TEX9: variants seen among roughly 807,000 people sequenced by gnomAD.
TEX9 encodes the protein testis-expressed protein 9.
TEX9 carries 74 observed loss-of-function variants against 59.6 expected under a neutral mutation model. That is an observed-to-expected ratio of 1.24 (90% CI 1.03 to 1.51). The LOEUF (loss-of-function observed/expected upper bound fraction) is 1.51, where lower values mean the gene tolerates loss of function less well. Ranked by LOEUF, TEX9 falls within the 40% of genes most tolerant of loss-of-function variation. The pLI, the probability that TEX9 is intolerant of heterozygous loss-of-function variation, is 0.00. For missense variants in TEX9, 522 were observed against 447.8 expected, an observed-to-expected ratio of 1.17 and a Z score of -1.49; for synonymous variants, 186 against 152.2, an observed-to-expected ratio of 1.22 and a Z score of -1.64.
At chr15:56,293,997 T>C (rs2045160505) in intron 1 of TEX9, among the ~76,000 whole-genome samples, 1 of 152,208 alleles carries the variant, frequency 6.6e-6, no homozygotes, top group Non-Finnish European at 1.5e-5. Flanking sequence ...ACCCCCACAT[T>C]TGCAACTGGT....
At chr15:56,365,335 A>T, upstream of TEX9, 1 of 1,368,608 alleles carries the variant, frequency 7.3e-7, no homozygotes, top group Non-Finnish European at 9.7e-7. Flanking sequence ...CGCCGCTCGC[A>T]GCACAGAACC....
intron 2 of TEX9, among the ~76,000 whole-genome samples, chr15:56,369,180 G>T (rs2047077197): frequency 6.6e-6 from 1 of 151,908 alleles, no homozygotes; most frequent in African/African-American, 2.4e-5. Context: ...GTTTACTGTT[G>T]TCTAGTTTTT....
intron 1 of TEX9, among the ~76,000 whole-genome samples, chr15:56,330,031 GA>G (rs767619452): frequency 6.9e-6 from 1 of 145,846 alleles, no homozygotes; most frequent in South Asian, 2.1e-4. Context: ...CAAGAGAAAA[GA>G]AAAAAAACAA....
intron 2 of TEX9, among the ~76,000 whole-genome samples, chr15:56,371,155 G>A (rs2047175933): frequency 6.6e-6 from 1 of 152,076 alleles, no homozygotes; most frequent in Non-Finnish European, 1.5e-5. Flanking sequence ...GGCCTCTCTG[G>A]GATTTCTTTT....
chr15:56,339,400 A>AAAAAC (rs1567091387), intron 1 of TEX9, among the ~76,000 whole-genome samples: 3 of 135,246 alleles, frequency 2.2e-5, no homozygotes, highest in Non-Finnish European at 4.8e-5. Context: ...AAAAAAAAAA[A>AAAAAC]AAAAAAAAAA....
At chr15:56,287,809 T>TA (rs2044989228) in intron 1 of TEX9, among the ~76,000 whole-genome samples, 1 of 152,210 alleles carries the variant, frequency 6.6e-6, no homozygotes, top group Admixed American at 6.5e-5. Flanking sequence ...TCACTTAACT[T>TA]AATGTCCTCT....
At chr15:56,248,489 G>T (rs2043921497) in intron 1 of TEX9, among the ~76,000 whole-genome samples, 1 of 152,246 alleles carries the variant, frequency 6.6e-6, no homozygotes, top group Non-Finnish European at 1.5e-5. Flanking sequence ...TATCTCTAAG[G>T]ATTAGTGGGA....
intron 1 of TEX9, among the ~76,000 whole-genome samples, chr15:56,329,757 A>T (rs912450986): frequency 2.6e-5 from 4 of 152,178 alleles, no homozygotes; most frequent in Non-Finnish European, 4.4e-5. Flanking sequence ...GAGACAAAAG[A>T]AAAAAGAATA....
chr15:56,442,546 T>C (rs2050835067), intron 12 of TEX9, among the ~76,000 whole-genome samples: 1 of 152,180 alleles, frequency 6.6e-6, no homozygotes, highest in African/African-American at 2.4e-5. Context: ...CACCACGGAA[T>C]ACTACACAGC....
At chr15:56,429,233 GA>G in intron 12 of TEX9, 2 of 1,295,480 alleles carry the variant, frequency 1.5e-6, no homozygotes, top group Non-Finnish European at 1.1e-6. Flanking sequence ...TTGAATACCA[GA>G]ATATTTCACT....
At chr15:56,369,387 C>T (rs927651519) in intron 2 of TEX9, among the ~76,000 whole-genome samples, 3 of 151,118 alleles carry the variant, frequency 2.0e-5, no homozygotes, top group Non-Finnish European at 4.4e-5. Flanking sequence ...AGGGTCTCAC[C>T]CTGTTGCCCA....
chr15:56,435,247 AG>A (rs1483191779), intron 12 of TEX9, among the ~76,000 whole-genome samples: 1 of 151,968 alleles, frequency 6.6e-6, no homozygotes, highest in Non-Finnish European at 1.5e-5. Flanking sequence ...CGATAATCTA[AG>A]CCCCCACTTC....
Position 56,406,372 on chromosome 15 carries a change from A to G in TEX9, c.829-5930A>G, listed in dbSNP as rs187557865. 2.5e-3 allele frequency among the ~76,000 whole-genome samples: 385 copies of G among 152,154 alleles called. 2 individuals are homozygous for G. The highest frequency in any genetic ancestry group is 4.4e-3 in the Non-Finnish European group (300 of 67,962). ...TGATCACCAGTTGATGTGACATTCA[A>G]TTTTTTTCTAGTGTGGGCTATTAAA... On this transcript the variant is annotated intron_variant, in intron 9 of 12. Transcript: ENST00000352903.
chr15:56,445,940 AGT>A (rs2050898363), downstream of TEX9: 1 of 152,064 alleles, frequency 6.6e-6, no homozygotes, highest in South Asian at 2.1e-4. Context: ...TAGCAAATGA[AGT>A]CTCTCCACCT....
intron 1 of TEX9, among the ~76,000 whole-genome samples, chr15:56,301,311 C>T (rs1009812883): frequency 6.6e-5 from 10 of 151,900 alleles, no homozygotes; most frequent in South Asian, 2.1e-4. Flanking sequence ...AAAAGAAAAG[C>T]GAATGAAGCA....
intron 1 of TEX9, among the ~76,000 whole-genome samples, chr15:56,252,265 T>A (rs2141300796): frequency 6.6e-6 from 1 of 152,226 alleles, no homozygotes; most frequent in Admixed American, 6.5e-5. Flanking sequence ...CTACAAACTA[T>A]ATTTGGTCAG....
At chr15:56,349,108 T>G (rs2046527518) in intron 1 of TEX9, among the ~76,000 whole-genome samples, 1 of 152,196 alleles carries the variant, frequency 6.6e-6, no homozygotes, top group African/African-American at 2.4e-5. Context: ...ATCTGGGTCT[T>G]CTCAAGGTCA....
chr15:56,459,976 G>A, the TEX9 span, among the ~76,000 whole-genome samples: 2 of 66,566 alleles, frequency 3.0e-5, no homozygotes, highest in African/African-American at 6.8e-5. Flanking sequence ...GGCAACAAGA[G>A]CGAAATTCTG....
chr15:56,375,619 A>C (rs552874775), intron 3 of TEX9, among the ~76,000 whole-genome samples: 3 of 152,246 alleles, frequency 2.0e-5, no homozygotes, highest in Admixed American at 1.3e-4. Flanking sequence ...GTAATGCCTA[A>C]GTTTTCTTCT....
Sources: allele counts gnomAD v4.1 joint callset (sites outside exome capture counted in the v4.1 genomes callset), GRCh38; gene constraint gnomAD v4.1.1; transcripts MANE v1.5; gene names NCBI Gene and HGNC (gene_info 2026-07-23, HGNC 2026-07-21).